SETD2: variants seen among roughly 807,000 people sequenced by gnomAD.
SETD2 encodes SET domain containing 2, histone lysine methyltransferase.
A neutral mutation model predicts 242.1 loss-of-function variants in SETD2; 31 were observed. That is an observed-to-expected ratio of 0.13 (90% CI 0.10 to 0.17). The LOEUF (loss-of-function observed/expected upper bound fraction) is 0.17, where lower values mean the gene tolerates loss of function less well. SETD2 is among the 10% of genes least tolerant of loss of function. The pLI is 1.00. For synonymous variants in SETD2, 1,006 were observed against 1,066.5 expected (o/e 0.94, Z 1.11); for missense variants, 2,481 against 3,046.3 (o/e 0.81, Z 4.37).
intron 12 of SETD2, among the ~76,000 whole-genome samples, chr3:47,075,142 A>T (rs2107619287): frequency 6.6e-6 from 1 of 152,100 alleles, no homozygotes; most frequent in Middle Eastern, 3.4e-3. Flanking sequence ...TCTTAAAAAA[A>T]AAAAAAAAAA....
chr3:47,064,342 G>T (rs2040469466), intron 13 of SETD2, among the ~76,000 whole-genome samples: 1 of 152,038 alleles, frequency 6.6e-6, no homozygotes, highest in African/African-American at 2.4e-5. Flanking sequence ...ACCACATCCG[G>T]GTAGAAAATG....
intron 10 of SETD2, among the ~76,000 whole-genome samples, chr3:47,087,761 T>G (rs2041625100): frequency 6.6e-6 from 1 of 152,000 alleles, no homozygotes; most frequent in South Asian, 2.1e-4. Flanking sequence ...GAGGTCAGGA[T>G]TTCCACACCA....
At chr3:47,095,360 T>C (rs542975955) in intron 9 of SETD2, among the ~76,000 whole-genome samples, 7 of 152,234 alleles carry the variant, frequency 4.6e-5, no homozygotes, top group African/African-American at 1.4e-4. Context: ...GGTCTTGAAC[T>C]CCTAACCTCG....
chr3:47,140,575 G>C (rs1195028856), intron 1 of SETD2, among the ~76,000 whole-genome samples: 1 of 152,156 alleles, frequency 6.6e-6, no homozygotes, highest in East Asian at 1.9e-4. Flanking sequence ...AGAAAGAGTT[G>C]ACTGGCCAGG....
At chr3:47,079,214 GA>G (rs2041228641) in intron 12 of SETD2, among the ~76,000 whole-genome samples, 1 of 152,082 alleles carries the variant, frequency 6.6e-6, no homozygotes, top group African/African-American at 2.4e-5. Flanking sequence ...TATTAAGAAG[GA>G]AAATGTATGT....
chr3:47,089,488 G>C (rs1034494179), intron 9 of SETD2, among the ~76,000 whole-genome samples: 3 of 152,096 alleles, frequency 2.0e-5, no homozygotes, highest in Admixed American at 2.0e-4. Flanking sequence ...TACAACAGTG[G>C]TAACCTCTAG....
At position 47,017,484 on chromosome 3, in the gene SETD2, C is replaced by T. The variant is rs915018338; in HGVS notation, c.7533+154G>A. The stretch of plus-strand genomic sequence containing the variant: ...TACTGCTGTCATGTAAGGTACGCAT[C>T]CCTCCCCAAACCTTCCCTCCCCGTT... On this transcript the variant is annotated intron_variant, in intron 20 of 20. Transcript: ENST00000409792. This position sits in a 1 kb window ranked among gnomAD's most constrained non-coding sequence, Gnocchi z 4.8. Among the ~76,000 whole-genome samples, 1 of 152,040 alleles carries T rather than the reference C, an allele frequency of 6.6e-6. No individual in the cohort carries two copies. The highest frequency in any genetic ancestry group is 1.5e-5 in the Non-Finnish European group (1 of 68,010).
intron 3 of SETD2, among the ~76,000 whole-genome samples, chr3:47,118,505 T>C (rs1047840641): frequency 6.6e-6 from 1 of 151,954 alleles, no homozygotes; most frequent in African/African-American, 2.4e-5. Flanking sequence ...GCGGATCACC[T>C]GAGGTCAGGA....
At chr3:47,155,838 G>A (rs1011471112) in intron 1 of SETD2, among the ~76,000 whole-genome samples, 4 of 151,694 alleles carry the variant, frequency 2.6e-5, no homozygotes, top group Admixed American at 6.6e-5. Flanking sequence ...TTTTGTTTTT[G>A]TTGTTTTTTT....
chr3:47,118,039 T>C (rs1439907778), intron 3 of SETD2, among the ~76,000 whole-genome samples: 1 of 152,240 alleles, frequency 6.6e-6, no homozygotes, highest in East Asian at 1.9e-4. Context: ...TCTGCTTTGA[T>C]CTTCAACATA....
At chr3:47,147,008 C>T (rs2043871473) in intron 1 of SETD2, among the ~76,000 whole-genome samples, 1 of 151,646 alleles carries the variant, frequency 6.6e-6, no homozygotes, top group African/African-American at 2.4e-5. Context: ...AGAGCTGTAA[C>T]ATATTTGTTT....
chr3:47,080,051 G>C (rs2041257250), intron 12 of SETD2, among the ~76,000 whole-genome samples: 1 of 152,142 alleles, frequency 6.6e-6, no homozygotes, highest in African/African-American at 2.4e-5. Flanking sequence ...TTCAAATGTT[G>C]CACAGCAGAT....
chr3:47,079,372 C>T (rs2041233491), intron 12 of SETD2, among the ~76,000 whole-genome samples: 1 of 152,100 alleles, frequency 6.6e-6, no homozygotes, highest in South Asian at 2.1e-4. Context: ...ATAATGTATA[C>T]ACCCTCCCAC....
intron 18 of SETD2, among the ~76,000 whole-genome samples, chr3:47,022,423 A>G (rs2038272715): frequency 6.6e-6 from 1 of 150,740 alleles, no homozygotes; most frequent in South Asian, 2.1e-4. Flanking sequence ...GAGTTGCGCG[A>G]GCCTAGGAGG....
chr3:47,102,559 C>T (rs1427624373), intron 7 of SETD2, among the ~76,000 whole-genome samples: 1 of 152,034 alleles, frequency 6.6e-6, no homozygotes. Context: ...GGGAGGCTGA[C>T]GGGGGTGGAT....
chr3:47,097,223 G>A (rs930003847), intron 9 of SETD2, among the ~76,000 whole-genome samples: 7 of 152,158 alleles, frequency 4.6e-5, no homozygotes, highest in Admixed American at 3.3e-4. Flanking sequence ...CACAGGTCTA[G>A]AGAGTAGCCC....
intron 9 of SETD2, among the ~76,000 whole-genome samples, chr3:47,093,247 T>G (rs940731894): frequency 2.0e-5 from 3 of 151,946 alleles, no homozygotes; most frequent in Non-Finnish European, 2.9e-5. Flanking sequence ...TGCAGCCAGT[T>G]TATTTTCATG....
At chr3:47,055,647 C>A (rs941187056) in intron 15 of SETD2, among the ~76,000 whole-genome samples, 2 of 151,372 alleles carry the variant, frequency 1.3e-5, no homozygotes. Context: ...GAGCTATGAT[C>A]GCATCACTGT....
chr3:47,157,580 T>A, intron 1 of SETD2: 1 of 455,576 alleles, frequency 2.2e-6, no homozygotes, highest in Non-Finnish European at 4.4e-6. Context: ...ATACTAACAA[T>A]AAAAGAACTG....
Sources: gnomAD v4.1 joint callset for allele counts (sites outside exome capture counted in the v4.1 genomes callset) on GRCh38, gnomAD v4.1.1 for gene constraint, Gnocchi (gnomAD v3.1) non-coding constraint, MANE v1.5 for transcripts, NCBI Gene and HGNC (gene_info 2026-07-23, HGNC 2026-07-21) for gene names.